Variants in PRKG2 observed in about 807,000 individuals in gnomAD.
PRKG2 encodes cGMP-dependent protein kinase 2.
Under a neutral mutation model 97.2 loss-of-function variants are expected in PRKG2, and 33 were observed. That is an observed-to-expected ratio of 0.34 (90% CI 0.26 to 0.45). The LOEUF is 0.45. PRKG2 is among the 20% of genes least tolerant of loss of function. The pLI, the probability that PRKG2 is intolerant of heterozygous loss-of-function variation, is 1.00. For synonymous variants in PRKG2, 330 were observed against 321.8 expected, an observed-to-expected ratio of 1.03 and a Z score of -0.27; for missense variants, 638 against 900.0, an observed-to-expected ratio of 0.71 and a Z score of 3.73.
chr4:81,099,721 G>T (rs1742517071), intron 17 of PRKG2, among the ~76,000 whole-genome samples: 1 of 152,108 alleles, frequency 6.6e-6, no homozygotes, highest in East Asian at 1.9e-4. Flanking sequence ...AGGGCAATCA[G>T]GCAGGAGAAG....
At chr4:81,153,448 T>A (rs1001591125) in intron 7 of PRKG2, 196 bp downstream of exon 7, 9 of 493,096 alleles carry the variant, frequency 1.8e-5, no homozygotes, top group Non-Finnish European at 2.9e-5. Context: ...ACTAAGAAGT[T>A]ATTATTTCTT....
At chr4:81,173,693 C>T (rs1361141365) in intron 3 of PRKG2, 3 of 151,984 alleles carry the variant, frequency 2.0e-5, no homozygotes, top group Non-Finnish European at 4.4e-5. Flanking sequence ...TTCAAATAAT[C>T]AACGTATATA....
intron 6 of PRKG2, among the ~76,000 whole-genome samples, chr4:81,159,203 C>G (rs1315441581): frequency 1.3e-5 from 2 of 152,022 alleles, no homozygotes; most frequent in Non-Finnish European, 2.9e-5. Context: ...ATTTTTGCAA[C>G]CTACTCATCT....
At chr4:81,196,772 AAAGAAAGAAAG>A in intron 2 of PRKG2, among the ~76,000 whole-genome samples, 1 of 152,002 alleles carries the variant, frequency 6.6e-6, no homozygotes, top group South Asian at 2.1e-4. Flanking sequence ...AAAAAGAAAG[AAAGAAAGAAAG>A]AAACCTGTCA....
At position 81,152,074 on chromosome 4, in the gene PRKG2, A is replaced by G. The variant is rs776444247; in HGVS notation, c.991-20T>C. ...TTTTACCTAAACAATGTTAAGCAAT[A>G]CAAACAGAAAGAGACTGAAGAAAAA... is the stretch of plus-strand genomic sequence containing the variant. On this transcript the variant is annotated intron_variant, in intron 7 of 18. Transcript: ENST00000264399. 2.1e-5 allele frequency: 33 copies of G among 1,560,992 alleles called. No individual in the cohort carries two copies. The highest frequency in any genetic ancestry group is 2.5e-5 in the Non-Finnish European group (28 of 1,137,704).
chr4:81,151,192 C>G (rs1366949791), intron 8 of PRKG2, among the ~76,000 whole-genome samples: 6 of 152,130 alleles, frequency 3.9e-5, no homozygotes, highest in African/African-American at 1.4e-4. Flanking sequence ...GAAACAAATG[C>G]ATTTAATCAT....
intron 1 of PRKG2, among the ~76,000 whole-genome samples, chr4:81,209,578 A>G (rs1295062667): frequency 2.6e-5 from 4 of 152,162 alleles, no homozygotes; most frequent in South Asian, 2.1e-4. Context: ...AGACAAAACA[A>G]TGCTGCCTGT....
intron 13 of PRKG2, among the ~76,000 whole-genome samples, chr4:81,136,704 C>T (rs72876786): frequency 0.098 from 14,896 of 152,164 alleles, 1,319 homozygotes; most frequent in East Asian, 0.38. Context: ...TCGGAGCTCA[C>T]CATCTACGAC....
At chr4:81,175,852 A>G (rs1299237914) in intron 2 of PRKG2, 1 of 152,200 alleles carries the variant, frequency 6.6e-6, no homozygotes, top group Admixed American at 6.5e-5. Flanking sequence ...ATATCATAAA[A>G]TTATTGTGCT....
chr4:81,135,053 A>C (rs1746542932), intron 14 of PRKG2, 102 bp downstream of exon 14: 2 of 1,168,320 alleles, frequency 1.7e-6, no homozygotes, highest in Non-Finnish European at 2.4e-6. Flanking sequence ...CAAAGAGAGA[A>C]TAACAGCTGC....
intron 2 of PRKG2, among the ~76,000 whole-genome samples, chr4:81,185,766 G>A (rs1560612582): frequency 6.6e-6 from 1 of 152,136 alleles, no homozygotes; most frequent in African/African-American, 2.4e-5. Flanking sequence ...TCAAAAAAAG[G>A]GATGGTGGAA....
At chr4:81,202,568 A>T (rs1330933413) in intron 2 of PRKG2, among the ~76,000 whole-genome samples, 9 of 152,150 alleles carry the variant, frequency 5.9e-5, no homozygotes, top group African/African-American at 2.2e-4. Flanking sequence ...CCATTTCTTT[A>T]TCCTGACCAC....
intron 13 of PRKG2, among the ~76,000 whole-genome samples, chr4:81,136,603 T>C (rs1578401323): frequency 6.6e-6 from 1 of 152,134 alleles, no homozygotes; most frequent in Non-Finnish European, 1.5e-5. Flanking sequence ...TAAAGCAGTT[T>C]CCCTGCCTCT....
chr4:81,184,053 A>G (rs59441619), intron 2 of PRKG2, among the ~76,000 whole-genome samples: 32,805 of 152,166 alleles, frequency 0.22, 6,731 homozygotes, highest in African/African-American at 0.52. Flanking sequence ...GGGAAAGGGC[A>G]GCAGTAAGTG....
intron 1 of PRKG2, 65 bp downstream of exon 1, chr4:81,214,871 G>C (rs772201043): frequency 6.6e-6 from 1 of 152,296 alleles, no homozygotes; most frequent in Non-Finnish European, 1.5e-5. Flanking sequence ...CGCGCACCCC[G>C]ACCCCGTCCC....
chr4:81,100,133 A>G (rs901856069), intron 17 of PRKG2, among the ~76,000 whole-genome samples: 2 of 151,658 alleles, frequency 1.3e-5, no homozygotes, highest in African/African-American at 4.9e-5. Context: ...AAATGGCCAT[A>G]CTGCCCAAGG....
chr4:81,199,803 C>T (rs756952494), intron 2 of PRKG2, among the ~76,000 whole-genome samples: 1 of 152,154 alleles, frequency 6.6e-6, no homozygotes, highest in Non-Finnish European at 1.5e-5. Flanking sequence ...AGTCCTTTTC[C>T]ACATCTTATT....
At chr4:81,186,826 A>G (rs1751924968) in intron 2 of PRKG2, among the ~76,000 whole-genome samples, 1 of 152,180 alleles carries the variant, frequency 6.6e-6, no homozygotes. Context: ...ACAAACTACC[A>G]TCAGAGAATA....
intron 14 of PRKG2, among the ~76,000 whole-genome samples, chr4:81,121,817 G>A (rs1023689646): frequency 6.6e-6 from 1 of 151,844 alleles, no homozygotes; most frequent in African/African-American, 2.4e-5. Flanking sequence ...TATATGCTAA[G>A]CAACATGCTA....
Sources: gnomAD v4.1 joint callset for allele counts (sites outside exome capture counted in the v4.1 genomes callset) on GRCh38, gnomAD v4.1.1 for gene constraint, MANE v1.5 for transcripts, NCBI Gene and HGNC (gene_info 2026-07-23, HGNC 2026-07-21) for gene names.